The following EMCN variants were observed in gnomAD, a reference collection of about 807,000 sequenced individuals.
EMCN encodes the protein endomucin, also known as MUC-14.
EMCN carries 37 observed loss-of-function variants against 38.4 expected under a neutral mutation model. The ratio of observed to expected loss-of-function variants is 0.96; its 90% CI spans 0.74 to 1.27. The LOEUF is 1.27. Among genes scored for constraint, EMCN ranks in the 50% most tolerant of loss-of-function variants. The probability of loss-of-function intolerance (pLI) is 0.00; values close to 1 mark genes in which losing one functional copy is unlikely to be tolerated. For missense variants in EMCN, 318 were observed against 302.8 expected, an observed-to-expected ratio of 1.05 and a Z score of -0.37; for synonymous variants, 95 against 100.8, an observed-to-expected ratio of 0.94 and a Z score of 0.35.
At chr4:100,468,847 A>G (rs142731341) in intron 3 of EMCN, among the ~76,000 whole-genome samples, 2 of 152,144 alleles carry the variant, frequency 1.3e-5, no homozygotes, top group African/African-American at 4.8e-5. Flanking sequence ...AAAAATCCCT[A>G]TCAAAATTCA....
intron 1 of EMCN, among the ~76,000 whole-genome samples, chr4:100,494,001 C>T (rs967196147): frequency 3.3e-5 from 5 of 152,068 alleles, no homozygotes; most frequent in African/African-American, 9.7e-5. Context: ...CAGGATATAC[C>T]AGTTCTAAGT....
chr4:100,425,367 A>G (rs116754450), intron 5 of EMCN, among the ~76,000 whole-genome samples: 1 of 147,576 alleles, frequency 6.8e-6, no homozygotes, highest in Non-Finnish European at 1.5e-5. Flanking sequence ...TGATCTACAC[A>G]GTTTTTGTTG....
chr4:100,436,838 G>A (rs1727367276), intron 5 of EMCN, among the ~76,000 whole-genome samples: 1 of 152,114 alleles, frequency 6.6e-6, no homozygotes, highest in Admixed American at 6.6e-5. Context: ...ATGGGGCGGG[G>A]GACAACACAC....
intron 1 of EMCN, among the ~76,000 whole-genome samples, chr4:100,497,989 T>C (rs1174992368): frequency 6.6e-6 from 1 of 152,190 alleles, no homozygotes; most frequent in African/African-American, 2.4e-5. Flanking sequence ...GATCATGATA[T>C]TTAAGTATTA....
At chr4:100,497,868 A>G (rs1729251134) in intron 1 of EMCN, among the ~76,000 whole-genome samples, 1 of 152,228 alleles carries the variant, frequency 6.6e-6, no homozygotes. Context: ...ATAGTATAGG[A>G]GTAAATGCAT....
At chr4:100,445,393 TTAA>T (rs1226909784) in intron 5 of EMCN, among the ~76,000 whole-genome samples, 4 of 152,188 alleles carry the variant, frequency 2.6e-5, no homozygotes, top group South Asian at 2.1e-4. Flanking sequence ...TTCTAGACGC[TTAA>T]TAATAGTTTT....
chr4:100,430,422 CA>C (rs1372948830), intron 5 of EMCN, among the ~76,000 whole-genome samples: 1 of 152,076 alleles, frequency 6.6e-6, no homozygotes, highest in Non-Finnish European at 1.5e-5. Flanking sequence ...AGGCCTCAAT[CA>C]AAAAGGCATT....
In EMCN at chr4:100,396,942, C is replaced by CT. The variant is rs75271521; in HGVS notation, c.*1470dup. ...TCTCCTCTCTTCCTTTCCTTTCTTT[C>CT]TTTTTTTTTTTTCTACTTCCCATCC... On this transcript the variant is annotated 3_prime_UTR_variant, in exon 12 of 12. Coordinates refer to ENST00000296420, the MANE Select transcript of EMCN (RefSeq NM_016242.4). 25,421 of 145,384 alleles carry CT rather than the reference C, an allele frequency of 0.17. 3,607 individuals carry two copies. The highest frequency in any genetic ancestry group is 0.76 in the East Asian group (3,804 of 4,974). 9.0% of individuals were successfully genotyped at this position (145,384 alleles called of 1,614,324 possible).
intron 5 of EMCN, among the ~76,000 whole-genome samples, chr4:100,430,301 G>C (rs1190938013): frequency 1.3e-5 from 2 of 152,144 alleles, no homozygotes; most frequent in Non-Finnish European, 2.9e-5. Context: ...TCTAGAGTCT[G>C]TGGTATCAAC....
intron 11 of EMCN, among the ~76,000 whole-genome samples, chr4:100,402,571 A>G (rs1176516946): frequency 6.6e-6 from 1 of 152,186 alleles, no homozygotes; most frequent in African/African-American, 2.4e-5. Flanking sequence ...AACAGATGTC[A>G]AACTTGTTTC....
At chr4:100,439,422 T>G (rs1336513186) in intron 5 of EMCN, among the ~76,000 whole-genome samples, 1 of 151,808 alleles carries the variant, frequency 6.6e-6, no homozygotes, top group Non-Finnish European at 1.5e-5. Flanking sequence ...GATTATCCAG[T>G]CGTTGGCATA....
At chr4:100,427,033 C>A (rs1727066312) in intron 5 of EMCN, among the ~76,000 whole-genome samples, 1 of 152,042 alleles carries the variant, frequency 6.6e-6, no homozygotes, top group South Asian at 2.1e-4. Context: ...TTGGGCAGGG[C>A]ATGGTGGCTC....
At chr4:100,487,609 T>C (rs1435740622) in intron 1 of EMCN, among the ~76,000 whole-genome samples, 1 of 152,216 alleles carries the variant, frequency 6.6e-6, no homozygotes, top group African/African-American at 2.4e-5. Context: ...AGCTGAATCA[T>C]GGGGACAGTT....
chr4:100,398,817 T>G (rs1410482146), intron 11 of EMCN, among the ~76,000 whole-genome samples: 1 of 152,164 alleles, frequency 6.6e-6, no homozygotes, highest in African/African-American at 2.4e-5. Context: ...GCCTTTATCT[T>G]TTTCCAGTGG....
chr4:100,415,547 C>T (rs1056067791), intron 10 of EMCN, among the ~76,000 whole-genome samples: 78 of 152,030 alleles, frequency 5.1e-4, no homozygotes, highest in African/African-American at 1.7e-3. Context: ...TGACCATATG[C>T]GACTACATAG....
intron 5 of EMCN, among the ~76,000 whole-genome samples, chr4:100,431,932 G>T (rs193044829): frequency 6.6e-6 from 1 of 151,876 alleles, no homozygotes; most frequent in Non-Finnish European, 1.5e-5. Flanking sequence ...TTCTCAATTC[G>T]GTAAGGCACA....
At chr4:100,507,955 C>T (rs937450830) in intron 1 of EMCN, among the ~76,000 whole-genome samples, 1 of 152,154 alleles carries the variant, frequency 6.6e-6, no homozygotes, top group African/African-American at 2.4e-5. Flanking sequence ...CACTTTCTAA[C>T]ATCCCTAACT....
intron 4 of EMCN, among the ~76,000 whole-genome samples, chr4:100,449,184 A>C (rs1727770002): frequency 6.6e-6 from 1 of 152,106 alleles, no homozygotes; most frequent in African/African-American, 2.4e-5. Context: ...CCTGATTTCA[A>C]CTTTTAAAGA....
chr4:100,450,365 A>G (rs1475316336), intron 4 of EMCN, among the ~76,000 whole-genome samples: 2 of 152,140 alleles, frequency 1.3e-5, no homozygotes, highest in African/African-American at 4.8e-5. Context: ...TTGCTCAAGC[A>G]TTTAGTTTTT....
Sources: gnomAD v4.1 joint callset for allele counts (sites outside exome capture counted in the v4.1 genomes callset) on GRCh38, gnomAD v4.1.1 for gene constraint, MANE v1.5 for transcripts, NCBI Gene and HGNC (gene_info 2026-07-23, HGNC 2026-07-21) for gene names.